Variants in NXPE4 observed in about 807,000 individuals in gnomAD.
NXPE4 encodes the protein NXPE family member 4.
In NXPE4, 42 loss-of-function variants were observed where a neutral mutation model predicts 33.3. The observed-to-expected ratio is 1.26, with a 90% CI of 0.98 to 1.63. The LOEUF (loss-of-function observed/expected upper bound fraction) is 1.63, where lower values mean the gene tolerates loss of function less well. NXPE4 is among the 40% of genes most tolerant of loss of function. The pLI, the probability that NXPE4 is intolerant of heterozygous loss-of-function variation, is 0.00. For synonymous variants in NXPE4, 253 were observed against 234.9 expected, an observed-to-expected ratio of 1.08 and a Z score of -0.71; for missense variants, 709 against 647.6, an observed-to-expected ratio of 1.09 and a Z score of -1.03.
At chr11:114,633,290 A>T in the NXPE4 span, among the ~76,000 whole-genome samples, 1 of 139,004 alleles carries the variant, frequency 7.2e-6, no homozygotes, top group Non-Finnish European at 1.5e-5. Context: ...TATATTATAA[A>T]ATTCTAATGT....
At chr11:114,668,686 A>ACTT in the NXPE4 span, among the ~76,000 whole-genome samples, 1 of 152,050 alleles carries the variant, frequency 6.6e-6, no homozygotes, top group Non-Finnish European at 1.5e-5. Flanking sequence ...AGAGACCATG[A>ACTT]CTTATCTTTA....
At chr11:114,644,400 A>G in the NXPE4 span, among the ~76,000 whole-genome samples, 1 of 152,102 alleles carries the variant, frequency 6.6e-6, no homozygotes, top group African/African-American at 2.4e-5. Flanking sequence ...TTTGTCATAA[A>G]TTGCTCTTAT....
At chr11:114,665,983 A>AGG in the NXPE4 span, among the ~76,000 whole-genome samples, 1 of 152,090 alleles carries the variant, frequency 6.6e-6, no homozygotes, top group Non-Finnish European at 1.5e-5. Flanking sequence ...CAGGGTTAGG[A>AGG]GTTGAATCTA....
At chr11:114,654,169 T>C in the NXPE4 span, among the ~76,000 whole-genome samples, 1 of 151,976 alleles carries the variant, frequency 6.6e-6, no homozygotes, top group Non-Finnish European at 1.5e-5. Flanking sequence ...GGCATTGAAG[T>C]CTCTTTATCA....
chr11:114,645,021 G>A, the NXPE4 span, among the ~76,000 whole-genome samples: 1 of 151,542 alleles, frequency 6.6e-6, no homozygotes, highest in Non-Finnish European at 1.5e-5. Flanking sequence ...AAAAAAACAG[G>A]CCGGGCATAG....
intron 2 of NXPE4, among the ~76,000 whole-genome samples, chr11:114,591,354 T>C (rs2135283146): frequency 6.6e-6 from 1 of 152,332 alleles, no homozygotes; most frequent in Admixed American, 6.5e-5. Context: ...ATGAATCTAC[T>C]ATAAATTACC....
the NXPE4 span, among the ~76,000 whole-genome samples, chr11:114,630,227 T>A: frequency 6.6e-6 from 1 of 151,320 alleles, no homozygotes; most frequent in Non-Finnish European, 1.5e-5. Context: ...CAATCCTGAG[T>A]CAAAAGAACA....
chr11:114,614,761 T>G, the NXPE4 span, among the ~76,000 whole-genome samples: 5 of 151,254 alleles, frequency 3.3e-5, no homozygotes, highest in African/African-American at 7.3e-5. Context: ...GGATAATAAG[T>G]GTTCCTCATG....
At chr11:114,634,896 G>GTGA in the NXPE4 span, among the ~76,000 whole-genome samples, 1 of 152,010 alleles carries the variant, frequency 6.6e-6, no homozygotes, top group African/African-American at 2.4e-5. Flanking sequence ...GTCAGGTAGT[G>GTGA]TGATGCCTCC....
At position 114,571,112 on chromosome 11, in the gene NXPE4, A is replaced by C; in HGVS notation, c.1461T>G (p.Phe487Leu). ...ATTGAATGTAACCATGAAAGTCACTAAATCTTTCTGCATCATTGTACATCT... is the reference window on the plus strand; with the variant it reads ...ATTGAATGTAACCATGAAAGTCACTCAATCTTTCTGCATCATTGTACATCT... ...IREMYNDAER[F>L]SDFHGYIQYL... Residue 487 changes from phenylalanine (F) to leucine (L), a missense_variant, in exon 6 of 6, where the codon TTT becomes TTG. Physicochemically the swap from Phe to Leu is conservative, Grantham distance 22. Coordinates refer to ENST00000375478, the MANE Select transcript of NXPE4 (RefSeq NM_001077639.2). 6.2e-7 allele frequency: 1 copy of C among 1,614,010 alleles called. No homozygotes were observed. The highest frequency in any genetic ancestry group is 1.1e-5 in the South Asian group (1 of 91,086).
the NXPE4 span, among the ~76,000 whole-genome samples, chr11:114,642,164 A>G: frequency 0.12 from 17,689 of 152,002 alleles, 1,450 homozygotes; most frequent in African/African-American, 0.22. Context: ...TGTAATGTGT[A>G]CCCTTGATAT....
the NXPE4 span, among the ~76,000 whole-genome samples, chr11:114,634,701 C>A: frequency 6.6e-6 from 1 of 152,044 alleles, no homozygotes; most frequent in Non-Finnish European, 1.5e-5. Flanking sequence ...GTTTTCCCAG[C>A]ACCATTTATT....
chr11:114,646,182 C>T, the NXPE4 span, among the ~76,000 whole-genome samples: 1 of 152,066 alleles, frequency 6.6e-6, no homozygotes, highest in East Asian at 1.9e-4. Context: ...CTTAAACTAA[C>T]TATGTCTAAA....
the NXPE4 span, among the ~76,000 whole-genome samples, chr11:114,627,966 C>T: frequency 6.6e-6 from 1 of 152,038 alleles, no homozygotes; most frequent in South Asian, 2.1e-4. Context: ...ACAAGAAGAG[C>T]TAACTATCCT....
chr11:114,594,160 A>T (rs986727551), intron 2 of NXPE4, among the ~76,000 whole-genome samples: 1 of 152,124 alleles, frequency 6.6e-6, no homozygotes, highest in Non-Finnish European at 1.5e-5. Context: ...TTTTACATTT[A>T]AAAATAGCTA....
chr11:114,578,536 C>T, intron 5 of NXPE4, among the ~76,000 whole-genome samples: 1 of 152,138 alleles, frequency 6.6e-6, no homozygotes, highest in Admixed American at 6.5e-5. Context: ...AAAGCTCTTC[C>T]TTCCATTGAG....
chr11:114,638,167 T>C, the NXPE4 span, among the ~76,000 whole-genome samples: 1 of 151,950 alleles, frequency 6.6e-6, no homozygotes. Flanking sequence ...TCATTTCTTT[T>C]TATTCTTTTT....
chr11:114,573,852 A>G (rs1240018554), intron 5 of NXPE4, among the ~76,000 whole-genome samples: 1 of 152,098 alleles, frequency 6.6e-6, no homozygotes, highest in Non-Finnish European at 1.5e-5. Context: ...ATACCCTAAA[A>G]CAAATGAACT....
the NXPE4 span, among the ~76,000 whole-genome samples, chr11:114,605,816 C>T: frequency 4.0e-5 from 6 of 151,750 alleles, no homozygotes; most frequent in East Asian, 3.9e-4. Context: ...ACCACTGTTA[C>T]GCAGTGGAAA....
Sources: allele counts gnomAD v4.1 joint callset (sites outside exome capture counted in the v4.1 genomes callset), GRCh38; gene constraint gnomAD v4.1.1; transcripts MANE v1.5; gene names NCBI Gene and HGNC (gene_info 2026-07-23, HGNC 2026-07-21).